The following KIAA0825 variants were observed in gnomAD, a reference collection of about 807,000 sequenced individuals.
KIAA0825 encodes the protein uncharacterized protein KIAA0825.
KIAA0825 carries 119 observed loss-of-function variants against 147.6 expected under a neutral mutation model. The observed-to-expected ratio is 0.81, with a 90% confidence interval of 0.69 to 0.94. The LOEUF (loss-of-function observed/expected upper bound fraction) is 0.94. Among genes scored for constraint, KIAA0825 ranks in the 40% least tolerant of loss-of-function variants. The pLI is 0.00. For missense variants in KIAA0825, 1,381 were observed against 1,472.7 expected (o/e 0.94, Z 1.02); for synonymous variants, 470 against 518.1 (o/e 0.91, Z 1.26).
chr5:94,154,080 G>T lies in KIAA0825; in HGVS notation c.3755C>A (p.Ala1252Glu), dbSNP rs1464145170. ...KDETLEEEEK[A>E]ILEHLKQICT... is the part of the protein sequence containing the mutation. ...AATTTGTTTTAAGTGCTCCAGTATT[G>T]CTTTTTCTTCCTCTTCTAGTGTTTC... The change falls in exon 21 of 21, where the codon GCA (alanine) becomes GAA (glutamate). Residue 1252 changes from alanine (A) to glutamate (E), a missense_variant. Coordinates refer to ENST00000682413, the MANE Select transcript of KIAA0825 (RefSeq NM_001145678.3). 2.0e-5 allele frequency: 31 copies of T among 1,551,462 alleles called. No homozygotes were observed. Among genetic ancestry groups the T allele is most frequent in the Non-Finnish European group, 2.7e-5 (31 of 1,146,904 alleles).
intron 20 of KIAA0825, among the ~76,000 whole-genome samples, chr5:94,180,910 G>C (rs1433245523): frequency 6.6e-6 from 1 of 151,680 alleles, no homozygotes; most frequent in Non-Finnish European, 1.5e-5. Flanking sequence ...CCATTATTTG[G>C]GCTCTCTGGG....
At chr5:94,476,411 A>G (rs1260964642) in intron 7 of KIAA0825, among the ~76,000 whole-genome samples, 1 of 152,162 alleles carries the variant, frequency 6.6e-6, no homozygotes, top group African/African-American at 2.4e-5. Flanking sequence ...TCCTGGGGCT[A>G]CCAGTCGAAG....
intron 6 of KIAA0825, 54 bp from the exon 7 acceptor site, chr5:94,477,259 AC>A: frequency 8.7e-7 from 1 of 1,154,738 alleles, no homozygotes. Context: ...TAAAAAGCAT[AC>A]TAGATGTGAT....
chr5:94,231,160 A>G (rs997853053), intron 20 of KIAA0825, among the ~76,000 whole-genome samples: 15 of 152,150 alleles, frequency 9.9e-5, no homozygotes, highest in African/African-American at 3.4e-4. Flanking sequence ...CATAATTTTT[A>G]TTTCTTTAAA....
At chr5:94,185,387 T>C (rs568966846) in intron 20 of KIAA0825, among the ~76,000 whole-genome samples, 1 of 152,348 alleles carries the variant, frequency 6.6e-6, no homozygotes, top group East Asian at 1.9e-4. Context: ...ATATGGTGTA[T>C]GGTTGAGAGG....
chr5:94,564,811 G>T (rs1778300295), intron 2 of KIAA0825, among the ~76,000 whole-genome samples: 3 of 152,064 alleles, frequency 2.0e-5, no homozygotes, highest in Non-Finnish European at 4.4e-5. Context: ...GGCAGCTTTA[G>T]GTTCAACTTA....
intron 13 of KIAA0825, among the ~76,000 whole-genome samples, chr5:94,448,948 T>C (rs1241867026): frequency 1.3e-5 from 2 of 152,144 alleles, no homozygotes; most frequent in African/African-American, 4.8e-5. Flanking sequence ...GCACACTGTA[T>C]TATAAATCAC....
chr5:94,365,198 C>T (rs753392509), intron 20 of KIAA0825, among the ~76,000 whole-genome samples: 3 of 152,154 alleles, frequency 2.0e-5, no homozygotes, highest in Admixed American at 6.5e-5. Flanking sequence ...TGGGCACCCC[C>T]GCTCTCTCTC....
intron 12 of KIAA0825, among the ~76,000 whole-genome samples, chr5:94,461,662 T>C (rs1243854692): frequency 2.6e-5 from 4 of 151,910 alleles, no homozygotes; most frequent in African/African-American, 9.7e-5. Context: ...TTAAGATTTG[T>C]ATGTCGCTTT....
intron 20 of KIAA0825, among the ~76,000 whole-genome samples, chr5:94,333,162 C>G (rs1401667170): frequency 2.0e-5 from 3 of 152,082 alleles, no homozygotes; most frequent in Non-Finnish European, 2.9e-5. Flanking sequence ...AAAATTTTCT[C>G]CCATTTTGTA....
chr5:94,252,039 T>C (rs1775989472), intron 20 of KIAA0825, among the ~76,000 whole-genome samples: 1 of 152,096 alleles, frequency 6.6e-6, no homozygotes, highest in African/African-American at 2.4e-5. Flanking sequence ...GCAATATGAC[T>C]ATTTGAACTC....
chr5:94,273,510 A>G (rs1346635179), intron 20 of KIAA0825, among the ~76,000 whole-genome samples: 1 of 152,134 alleles, frequency 6.6e-6, no homozygotes, highest in Non-Finnish European at 1.5e-5. Context: ...CCAGACAGTG[A>G]GCATAGTACG....
intron 20 of KIAA0825, among the ~76,000 whole-genome samples, chr5:94,155,444 T>G (rs902847122): frequency 1.3e-5 from 2 of 152,002 alleles, no homozygotes; most frequent in Non-Finnish European, 2.9e-5. Context: ...CATCTTGACC[T>G]CCTGGGCTGA....
chr5:94,555,856 G>A (rs764025858), intron 2 of KIAA0825, among the ~76,000 whole-genome samples: 8 of 152,224 alleles, frequency 5.3e-5, no homozygotes, highest in East Asian at 1.9e-4. Flanking sequence ...TGCTGTATCT[G>A]TTGAGATTAG....
At chr5:94,527,988 T>C (rs1248512444) in intron 3 of KIAA0825, among the ~76,000 whole-genome samples, 1 of 151,898 alleles carries the variant, frequency 6.6e-6, no homozygotes, top group Non-Finnish European at 1.5e-5. Flanking sequence ...AAAAGAATAG[T>C]TAAAAAAAGT....
At chr5:94,451,855 C>T (rs1758455601) in intron 13 of KIAA0825, among the ~76,000 whole-genome samples, 1 of 152,152 alleles carries the variant, frequency 6.6e-6, no homozygotes, top group Non-Finnish European at 1.5e-5. Flanking sequence ...CTTAGGAACT[C>T]ATCAAATGAC....
chr5:94,317,253 A>G (rs1779743577), intron 20 of KIAA0825, among the ~76,000 whole-genome samples: 1 of 151,848 alleles, frequency 6.6e-6, no homozygotes, highest in Non-Finnish European at 1.5e-5. Flanking sequence ...ATAACTATCC[A>G]TAAGTGATGT....
chr5:94,229,617 C>A (rs980103395), intron 20 of KIAA0825, among the ~76,000 whole-genome samples: 2 of 151,116 alleles, frequency 1.3e-5, no homozygotes, highest in Non-Finnish European at 2.9e-5. Context: ...GAAGACATCT[C>A]GAATTGTTAT....
intron 20 of KIAA0825, among the ~76,000 whole-genome samples, chr5:94,177,745 A>G (rs1440543116): frequency 1.3e-5 from 2 of 152,118 alleles, no homozygotes; most frequent in East Asian, 3.8e-4. Context: ...CTACTAAGTG[A>G]GTAAGTCTTA....
Sources: gnomAD v4.1 joint callset for allele counts (sites outside exome capture counted in the v4.1 genomes callset) on GRCh38, gnomAD v4.1.1 for gene constraint, MANE v1.5 for transcripts, NCBI Gene and HGNC (gene_info 2026-07-23, HGNC 2026-07-21) for gene names.